Variants in KHDRBS2 observed in about 807,000 individuals in gnomAD.
KHDRBS2 encodes the protein KH domain-containing, RNA-binding, signal transduction-associated protein 2.
KHDRBS2 carries 26 observed loss-of-function variants against 44.3 expected under a neutral mutation model. The observed-to-expected ratio is 0.59, with a 90% CI of 0.43 to 0.81. KHDRBS2 has a LOEUF of 0.81. Ranked by LOEUF, KHDRBS2 falls within the 40% of genes least tolerant of loss-of-function variation. The pLI is 0.00. For synonymous variants in KHDRBS2, 194 were observed against 151.1 expected (o/e 1.28, Z -2.08); for missense variants, 476 against 433.1 (o/e 1.10, Z -0.88).
At chr6:61,621,390 T>G in the KHDRBS2 span, among the ~76,000 whole-genome samples, 3 of 152,214 alleles carry the variant, frequency 2.0e-5, no homozygotes, top group Non-Finnish European at 4.4e-5. Context: ...GGGTAGCAAG[T>G]AGTTAATAGA....
the KHDRBS2 span, among the ~76,000 whole-genome samples, chr6:61,573,609 G>C: frequency 6.6e-6 from 1 of 152,120 alleles, no homozygotes; most frequent in Admixed American, 6.5e-5. Context: ...AACCAACATG[G>C]AGAAACCCTG....
At chr6:62,079,104 A>G (rs1254409444) in intron 2 of KHDRBS2, among the ~76,000 whole-genome samples, 1 of 152,012 alleles carries the variant, frequency 6.6e-6, no homozygotes, top group Non-Finnish European at 1.5e-5. Context: ...AGCACAAACA[A>G]TAATTCACCA....
chr6:61,880,097 G>A (rs1799999145), intron 6 of KHDRBS2, among the ~76,000 whole-genome samples: 1 of 151,832 alleles, frequency 6.6e-6, no homozygotes, highest in African/African-American at 2.4e-5. Flanking sequence ...TTCTAAATTG[G>A]GATTGTTTGA....
chr6:61,542,760 A>G, the KHDRBS2 span, among the ~76,000 whole-genome samples: 1 of 151,944 alleles, frequency 6.6e-6, no homozygotes, highest in East Asian at 1.9e-4. Flanking sequence ...CCAATTAATA[A>G]TGGGGGAGAG....
chr6:61,600,446 G>C, the KHDRBS2 span, among the ~76,000 whole-genome samples: 222 of 152,138 alleles, frequency 1.5e-3, no homozygotes, highest in African/African-American at 5.1e-3. Context: ...CCCCGCCCCT[G>C]CCAGCCAGAG....
intron 4 of KHDRBS2, among the ~76,000 whole-genome samples, chr6:61,950,820 A>G (rs1764584557): frequency 6.6e-6 from 1 of 152,066 alleles, no homozygotes; most frequent in African/African-American, 2.4e-5. Context: ...ATGTATACAT[A>G]TTAATAAACG....
chr6:62,109,729 T>C lies in KHDRBS2; in HGVS notation c.220-61735A>G, dbSNP rs181848539. ...AGGTTTTAGAAATATTTCATATGTA[T>C]ATGCAAAAGAGGGAGAAGAAGAAGG... On this transcript the variant is annotated intron_variant, in intron 2 of 8. Coordinates refer to ENST00000281156, the MANE Select transcript of KHDRBS2 (RefSeq NM_152688.4). 7.2e-3 allele frequency among the ~76,000 whole-genome samples: 1,085 copies of C among 150,010 alleles called. 15 individuals are homozygous for C. Among genetic ancestry groups the C allele is most frequent in the African/African-American group, 0.025 (999 of 40,762 alleles).
the KHDRBS2 span, among the ~76,000 whole-genome samples, chr6:61,545,195 C>A: frequency 6.6e-6 from 1 of 151,846 alleles, no homozygotes; most frequent in Non-Finnish European, 1.5e-5. Context: ...CCTGTAATCC[C>A]AGTACTTTGG....
At chr6:61,707,411 G>C (rs1007457127) in intron 7 of KHDRBS2, among the ~76,000 whole-genome samples, 7 of 151,636 alleles carry the variant, frequency 4.6e-5, no homozygotes, top group Non-Finnish European at 8.9e-5. Context: ...GTTCTATAAA[G>C]AAATTTCCAA....
intron 6 of KHDRBS2, among the ~76,000 whole-genome samples, chr6:61,889,665 C>T (rs1425354111): frequency 6.6e-6 from 1 of 152,154 alleles, no homozygotes; most frequent in Non-Finnish European, 1.5e-5. Context: ...CTACCTCCAC[C>T]CGCATGTTCT....
chr6:61,692,010 C>G (rs1170538551), intron 8 of KHDRBS2, among the ~76,000 whole-genome samples: 1 of 152,118 alleles, frequency 6.6e-6, no homozygotes, highest in Non-Finnish European at 1.5e-5. Flanking sequence ...TTAGCTCATA[C>G]ATTAAATACA....
chr6:61,544,249 A>C, the KHDRBS2 span, among the ~76,000 whole-genome samples: 1 of 152,032 alleles, frequency 6.6e-6, no homozygotes. Flanking sequence ...AATTAAAATA[A>C]ATAAAAAGTA....
chr6:62,076,840 T>C (rs1352835737), intron 2 of KHDRBS2, among the ~76,000 whole-genome samples: 2 of 151,884 alleles, frequency 1.3e-5, no homozygotes, highest in Non-Finnish European at 2.9e-5. Context: ...AAATTAGGAG[T>C]TTGAGACCAG....
the KHDRBS2 span, among the ~76,000 whole-genome samples, chr6:61,555,235 A>G: frequency 6.6e-6 from 1 of 152,012 alleles, no homozygotes; most frequent in Admixed American, 6.5e-5. Flanking sequence ...TTTGATCTTC[A>G]CTGTGTTATT....
At chr6:62,007,081 C>T (rs992907706) in intron 3 of KHDRBS2, among the ~76,000 whole-genome samples, 1 of 152,058 alleles carries the variant, frequency 6.6e-6, no homozygotes, top group African/African-American at 2.4e-5. Context: ...GACAGGCTAC[C>T]TTTCATGTTT....
intron 6 of KHDRBS2, among the ~76,000 whole-genome samples, chr6:61,755,173 A>G (rs1259468596): frequency 6.6e-6 from 1 of 152,170 alleles, no homozygotes; most frequent in African/African-American, 2.4e-5. Flanking sequence ...GTGAAAATAG[A>G]GCATCTTTAG....
chr6:62,117,825 G>C (rs956180202), intron 2 of KHDRBS2, among the ~76,000 whole-genome samples: 4 of 151,916 alleles, frequency 2.6e-5, no homozygotes, highest in Admixed American at 2.0e-4. Context: ...ACCCAGGCTG[G>C]AGTGCAGTGG....
At chr6:62,037,845 T>A (rs1785622119) in intron 3 of KHDRBS2, among the ~76,000 whole-genome samples, 1 of 151,904 alleles carries the variant, frequency 6.6e-6, no homozygotes, top group Admixed American at 6.6e-5. Context: ...GCAAAGAAAT[T>A]TAATGTTAGT....
chr6:62,107,762 C>A (rs1363450678), intron 2 of KHDRBS2, among the ~76,000 whole-genome samples: 1 of 152,092 alleles, frequency 6.6e-6, no homozygotes, highest in African/African-American at 2.4e-5. Context: ...ATCAAGGGAA[C>A]AGAACAGAGC....
Sources: gnomAD v4.1 joint callset for allele counts (sites outside exome capture counted in the v4.1 genomes callset) on GRCh38, gnomAD v4.1.1 for gene constraint, MANE v1.5 for transcripts, NCBI Gene and HGNC (gene_info 2026-07-23, HGNC 2026-07-21) for gene names.